SPINK8: variants seen among roughly 807,000 people sequenced by gnomAD.
SPINK8 encodes serine protease inhibitor Kazal-type 8.
SPINK8 carries 12 observed loss-of-function variants against 14.4 expected under a neutral mutation model. The ratio of observed to expected loss-of-function variants is 0.83; its 90% CI spans 0.53 to 1.35. The LOEUF (loss-of-function observed/expected upper bound fraction) is 1.35, where lower values mean the gene tolerates loss of function less well. SPINK8 is among the 40% of genes most tolerant of loss of function. The probability of loss-of-function intolerance (pLI) is 0.00; values close to 1 mark genes in which losing one functional copy is unlikely to be tolerated. For missense variants in SPINK8, 103 were observed against 117.0 expected (o/e 0.88, Z 0.55); for synonymous variants, 32 against 37.6 (o/e 0.85, Z 0.55).
At chr3:48,312,476 C>T (rs923340245) in intron 6 of SPINK8, among the ~76,000 whole-genome samples, 1 of 151,828 alleles carries the variant, frequency 6.6e-6, no homozygotes, top group African/African-American at 2.4e-5. Context: ...AACCCAATCT[C>T]TATTAAAAAT....
At chr3:48,309,848 C>G (rs2035900234) in intron 7 of SPINK8, 56 bp downstream of exon 7, 2 of 1,424,094 alleles carry the variant, frequency 1.4e-6, no homozygotes, top group Non-Finnish European at 1.8e-6. Flanking sequence ...AAACAGTGAG[C>G]TCTTAACTTA....
At chr3:48,313,583 T>A (rs1178763210) in intron 6 of SPINK8, among the ~76,000 whole-genome samples, 2 of 152,322 alleles carry the variant, frequency 1.3e-5, no homozygotes, top group East Asian at 3.9e-4. Flanking sequence ...AACACAGAAT[T>A]ACCATATAAC....
chr3:48,321,485 A>C (rs1307338496), intron 4 of SPINK8, among the ~76,000 whole-genome samples: 1 of 151,032 alleles, frequency 6.6e-6, no homozygotes, highest in Non-Finnish European at 1.5e-5. Context: ...ATAAGTATAT[A>C]TTATAATCAC....
At chr3:48,311,164 T>C (rs566808538) in intron 6 of SPINK8, among the ~76,000 whole-genome samples, 1 of 151,904 alleles carries the variant, frequency 6.6e-6, no homozygotes, top group Non-Finnish European at 1.5e-5. Context: ...ATTCAAAACA[T>C]ACACACATAA....
intron 5 of SPINK8, 132 bp from the exon 6 acceptor site, chr3:48,319,750 T>C: frequency 1.5e-6 from 2 of 1,295,250 alleles, no homozygotes; most frequent in Non-Finnish European, 2.1e-6. Context: ...TTCAGAAGCC[T>C]CAGTGTTTGA....
At chr3:48,319,945 C>G (rs1295458774) in intron 5 of SPINK8, among the ~76,000 whole-genome samples, 5 of 151,516 alleles carry the variant, frequency 3.3e-5, no homozygotes, top group Non-Finnish European at 7.4e-5. Context: ...AGATCGAGAC[C>G]ACGGTAAACC....
intron 7 of SPINK8, among the ~76,000 whole-genome samples, chr3:48,309,436 G>A (rs2035893635): frequency 6.6e-6 from 1 of 152,226 alleles, no homozygotes; most frequent in Non-Finnish European, 1.5e-5. Context: ...TGACAGGGAA[G>A]AGCAAGGGTG....
chr3:48,331,637 G>C (rs2036263053), intron 2 of SPINK8, among the ~76,000 whole-genome samples: 1 of 152,142 alleles, frequency 6.6e-6, no homozygotes, highest in South Asian at 2.1e-4. Flanking sequence ...CCTAATTCTA[G>C]TGTATAATGG....
At chr3:48,320,204 G>T (rs2036054017) in intron 5 of SPINK8, among the ~76,000 whole-genome samples, 1 of 151,864 alleles carries the variant, frequency 6.6e-6, no homozygotes, top group South Asian at 2.1e-4. Context: ...CCCAAAATGT[G>T]ATTGGTAGGT....
chr3:48,319,547 G>A lies in SPINK8; in HGVS notation c.189C>T (p.Gly63=), dbSNP rs1462394478. ...SYIKPSEPIC[G]SDQVTYSSDC... ...CACTACTGTAGGTAACCTGGTCACT[G>A]CCACAAATAGGTTCACTGGGCTTGA... Residue 63 remains glycine, a synonymous_variant, in exon 6 of 8, where the codon GGC becomes GGT. Transcript: ENST00000434006. 6.2e-7 allele frequency: 1 copy of A among 1,613,934 alleles called. No homozygotes were observed. Among genetic ancestry groups the A allele is most frequent in the Admixed American group, 1.7e-5 (1 of 60,014 alleles).
At chr3:48,313,700 A>G (rs993014865) in intron 6 of SPINK8, among the ~76,000 whole-genome samples, 1 of 152,248 alleles carries the variant, frequency 6.6e-6, no homozygotes, top group Non-Finnish European at 1.5e-5. Context: ...ATAGTTAGAC[A>G]TGGAAACAAC....
chr3:48,314,046 A>T (rs1317733086), intron 6 of SPINK8, among the ~76,000 whole-genome samples: 1 of 152,216 alleles, frequency 6.6e-6, no homozygotes, highest in East Asian at 1.9e-4. Flanking sequence ...TGGCAGTTTT[A>T]TAACATTGTA....
At chr3:48,319,643 C>T in intron 5 of SPINK8, 25 bp from the exon 6 acceptor site, 1 of 1,613,506 alleles carries the variant, frequency 6.2e-7, no homozygotes, top group Non-Finnish European at 8.5e-7. Flanking sequence ...CACACAACTG[C>T]TTCAGACACT....
chr3:48,321,045 C>G lies in SPINK8; in HGVS notation c.97G>C (p.Gly33Arg). Reference protein sequence around the residue: ...DFPLPMASERGQLDKTIVECL... With the variant: ...DFPLPMASERRQLDKTIVECL... ...CTCACTATTGTTTTGTCTAGCTGACCTCTTTCAGAGGCCATAGGAAGGGGG... is the reference window on the plus strand; with the variant it reads ...CTCACTATTGTTTTGTCTAGCTGACGTCTTTCAGAGGCCATAGGAAGGGGG... Residue 33 changes from glycine to arginine, a missense_variant, in exon 5 of 8, where the codon GGT (glycine) becomes CGT (arginine). Physicochemically the swap from Gly to Arg is moderately radical, Grantham distance 125. Coordinates refer to ENST00000434006, the MANE Select transcript of SPINK8 (RefSeq NM_001080525.3). 6.3e-7 allele frequency: 1 copy of G among 1,590,436 alleles called. No individual in the cohort carries two copies. Among genetic ancestry groups the G allele is most frequent in the Non-Finnish European group, 8.6e-7 (1 of 1,167,322 alleles).
chr3:48,321,448 C>T (rs2036072901), intron 4 of SPINK8, among the ~76,000 whole-genome samples: 1 of 151,528 alleles, frequency 6.6e-6, no homozygotes, highest in Non-Finnish European at 1.5e-5. Context: ...GCAGTCTTTG[C>T]AATTACATAT....
intron 4 of SPINK8, among the ~76,000 whole-genome samples, chr3:48,322,336 C>T (rs2036086691): frequency 6.6e-6 from 1 of 151,220 alleles, no homozygotes; most frequent in Admixed American, 6.6e-5. Flanking sequence ...CTTTCTGTTT[C>T]TTTTTGTTTT....
At position 48,321,137 on chromosome 3, in the gene SPINK8, T is replaced by C; in HGVS notation, c.68-63A>G. 3 of 1,513,034 alleles carry C rather than the reference T, an allele frequency of 2.0e-6. No individual in the cohort carries two copies. The South Asian group carries it at 3.7e-5, about 19-fold the overall frequency. The allele number at this position is 1,513,034 out of a possible 1,614,324, so 93.7% of individuals were successfully genotyped here. A position where few individuals can be genotyped will look rare whatever the true frequency, so the allele number is the denominator to read the frequency against. ...TGTCTTCTGCCCTCAGCGAAAAAGG[T>C]AAGATGAGGGGAACCCTAGTTGGCA... On this transcript the variant is annotated intron_variant, in intron 4 of 7. Coordinates refer to ENST00000434006, the MANE Select transcript of SPINK8 (RefSeq NM_001080525.3).
intron 6 of SPINK8, among the ~76,000 whole-genome samples, chr3:48,317,673 G>A (rs1451174878): frequency 1.3e-5 from 2 of 151,512 alleles, no homozygotes; most frequent in Non-Finnish European, 2.9e-5. Context: ...CCGCCACCAC[G>A]TCTGGCTAAT....
intron 5 of SPINK8, among the ~76,000 whole-genome samples, chr3:48,320,084 C>T (rs571719119): frequency 1.2e-3 from 175 of 151,288 alleles, no homozygotes; most frequent in African/African-American, 4.1e-3. Context: ...GAGCCGAGAT[C>T]GCGCCACTGC....
Sources: allele counts gnomAD v4.1 joint callset (sites outside exome capture counted in the v4.1 genomes callset), GRCh38; gene constraint gnomAD v4.1.1; transcripts MANE v1.5; gene names NCBI Gene and HGNC (gene_info 2026-07-23, HGNC 2026-07-21).